GTF2F2: variants seen among roughly 807,000 people sequenced by gnomAD.
GTF2F2 encodes ATP-dependent helicase GTF2F2.
Under a neutral mutation model 42.2 loss-of-function variants are expected in GTF2F2, and 23 were observed. The ratio of observed to expected loss-of-function variants is 0.55; its 90% CI spans 0.39 to 0.77. The LOEUF (loss-of-function observed/expected upper bound fraction) is 0.77. Among genes scored for constraint, GTF2F2 ranks in the 30% least tolerant of loss-of-function variants. The pLI is 0.00. For synonymous variants in GTF2F2, 105 were observed against 100.8 expected, an observed-to-expected ratio of 1.04 and a Z score of -0.25; for missense variants, 261 against 287.2, an observed-to-expected ratio of 0.91 and a Z score of 0.66.
At chr13:45,127,962 T>C (rs1480301165) in intron 1 of GTF2F2, among the ~76,000 whole-genome samples, 6 of 124,022 alleles carry the variant, frequency 4.8e-5, no homozygotes, top group African/African-American at 1.5e-4. Context: ...TTTTTTTTTT[T>C]TTTTTTTCTT....
chr13:45,280,781 A>G (rs1420072684), intron 7 of GTF2F2, among the ~76,000 whole-genome samples: 1 of 152,182 alleles, frequency 6.6e-6, no homozygotes, highest in African/African-American at 2.4e-5. Context: ...CTGGGCCTAG[A>G]TTATAAATGG....
At chr13:45,198,612 C>G in intron 4 of GTF2F2, among the ~76,000 whole-genome samples, 1 of 152,086 alleles carries the variant, frequency 6.6e-6, no homozygotes, top group East Asian at 1.9e-4. Context: ...TTCCCATTAC[C>G]TTAGAAAGAA....
chr13:45,276,542 T>G (rs1428183992), intron 7 of GTF2F2, among the ~76,000 whole-genome samples: 1 of 152,002 alleles, frequency 6.6e-6, no homozygotes, highest in Non-Finnish European at 1.5e-5. Context: ...GTTCAAGTGA[T>G]TCTCCTGCCT....
intron 5 of GTF2F2, among the ~76,000 whole-genome samples, chr13:45,228,457 C>A (rs527549756): frequency 2.0e-5 from 3 of 147,504 alleles, no homozygotes; most frequent in African/African-American, 7.5e-5. Flanking sequence ...TTTCATTTCT[C>A]GAGCAGTACC....
chr13:45,197,509 C>CA (rs1195927657), intron 4 of GTF2F2, among the ~76,000 whole-genome samples: 23,424 of 91,294 alleles, frequency 0.26, 2,369 homozygotes, highest in Non-Finnish European at 0.29. Flanking sequence ...ACCCTGTCTC[C>CA]AAAAAAAAAA....
intron 4 of GTF2F2, among the ~76,000 whole-genome samples, chr13:45,179,779 A>G (rs979579878): frequency 1.3e-5 from 2 of 152,104 alleles, no homozygotes; most frequent in Non-Finnish European, 2.9e-5. Context: ...ATTGTTTTTC[A>G]GAGGGAGATT....
At chr13:45,132,806 C>A (rs1385237779) in intron 1 of GTF2F2, among the ~76,000 whole-genome samples, 2 of 148,044 alleles carry the variant, frequency 1.4e-5, no homozygotes, top group African/African-American at 5.0e-5. Context: ...GAAGTCAGGT[C>A]AGCACAGAGG....
intron 4 of GTF2F2, among the ~76,000 whole-genome samples, chr13:45,199,092 CTG>C (rs1873046063): frequency 6.6e-6 from 1 of 152,248 alleles, no homozygotes; most frequent in Non-Finnish European, 1.5e-5. Flanking sequence ...ATCTCACAAA[CTG>C]TGCCAAGTAC....
At chr13:45,226,958 G>A (rs1430417868) in intron 5 of GTF2F2, among the ~76,000 whole-genome samples, 1 of 152,086 alleles carries the variant, frequency 6.6e-6, no homozygotes, top group Non-Finnish European at 1.5e-5. Flanking sequence ...TGGTCATGGT[G>A]GTGCACACCT....
chr13:45,153,033 C>T (rs145188788), intron 4 of GTF2F2, among the ~76,000 whole-genome samples: 1,785 of 144,984 alleles, frequency 0.012, 30 homozygotes, highest in African/African-American at 0.039. Flanking sequence ...TTTTTTGAGA[C>T]GTAGTCTTGC....
chr13:45,266,142 G>A (rs560641463), intron 6 of GTF2F2, among the ~76,000 whole-genome samples: 1 of 152,284 alleles, frequency 6.6e-6, no homozygotes, highest in South Asian at 2.1e-4. Flanking sequence ...CATGCATGGA[G>A]GTACACAAAA....
intron 5 of GTF2F2, among the ~76,000 whole-genome samples, chr13:45,251,615 T>A (rs895386789): frequency 1.3e-5 from 2 of 152,138 alleles, no homozygotes; most frequent in African/African-American, 4.8e-5. Context: ...TTTTTTTAAT[T>A]AAAGGCAATT....
At chr13:45,196,707 G>A (rs530191053) in intron 4 of GTF2F2, among the ~76,000 whole-genome samples, 79 of 152,334 alleles carry the variant, frequency 5.2e-4, no homozygotes, top group African/African-American at 1.9e-3. Context: ...ATAAAGTGAT[G>A]TGGATAGATA....
At chr13:45,205,722 G>A (rs960928932) in intron 4 of GTF2F2, among the ~76,000 whole-genome samples, 4 of 152,102 alleles carry the variant, frequency 2.6e-5, no homozygotes, top group Non-Finnish European at 4.4e-5. Context: ...GTTTCACCAT[G>A]TTGGCCAGCA....
intron 1 of GTF2F2, among the ~76,000 whole-genome samples, chr13:45,121,507 A>G (rs879899195): frequency 2.0e-5 from 3 of 152,230 alleles, no homozygotes; most frequent in Admixed American, 6.5e-5. Flanking sequence ...GTTCTCGTCA[A>G]TTAAATCTAA....
At chr13:45,150,412 T>C (rs1478183584) in intron 3 of GTF2F2, among the ~76,000 whole-genome samples, 1 of 152,202 alleles carries the variant, frequency 6.6e-6, no homozygotes, top group Non-Finnish European at 1.5e-5. Context: ...ACAGTTGTCA[T>C]TAAGACATAC....
chr13:45,257,868 G>A (rs1213315801), intron 6 of GTF2F2, among the ~76,000 whole-genome samples: 1 of 152,050 alleles, frequency 6.6e-6, no homozygotes, highest in East Asian at 1.9e-4. Context: ...GTGCCTTCAT[G>A]TTTTCATTTG....
At chr13:45,248,239 T>A (rs1267266999) in intron 5 of GTF2F2, among the ~76,000 whole-genome samples, 1 of 152,190 alleles carries the variant, frequency 6.6e-6, no homozygotes, top group African/African-American at 2.4e-5. Context: ...TCTTACATTG[T>A]GACAAATAGA....
chr13:45,212,544 C>CTTTTTCTTTCTCTCTTTCTCACTT (rs1873729519), intron 5 of GTF2F2, among the ~76,000 whole-genome samples: 1 of 143,478 alleles, frequency 7.0e-6, no homozygotes, highest in South Asian at 2.2e-4. Flanking sequence ...CTCACTTTCT[C>CTTTTTCTTTCTCTCTTTCTCACTT]TCTCTCTCTT....
Sources: gnomAD v4.1 joint callset for allele counts (sites outside exome capture counted in the v4.1 genomes callset) on GRCh38, gnomAD v4.1.1 for gene constraint, MANE v1.5 for transcripts, NCBI Gene and HGNC (gene_info 2026-07-23, HGNC 2026-07-21) for gene names.